The following FAP variants were observed in gnomAD, a reference collection of about 807,000 sequenced individuals.
The protein encoded by FAP is fibroblast activation protein alpha.
A neutral mutation model predicts 126.5 loss-of-function variants in FAP; 110 were observed. The observed-to-expected ratio is 0.87, with a 90% CI of 0.74 to 1.02. The LOEUF is 1.02. Among genes scored for constraint, FAP ranks in the 50% least tolerant of loss-of-function variants. The probability of loss-of-function intolerance (pLI) is 0.00; values close to 1 mark genes in which losing one functional copy is unlikely to be tolerated. For synonymous variants in FAP, 334 were observed against 297.3 expected (o/e 1.12, Z -1.27); for missense variants, 919 against 909.2 (o/e 1.01, Z -0.14).
chr2:162,175,003 C>G, intron 21 of FAP, 37 bp from the exon 22 acceptor site: 1 of 1,405,934 alleles, frequency 7.1e-7, no homozygotes, highest in South Asian at 1.2e-5. Context: ...CTCAGATTTA[C>G]TTTCATAAGC....
At chr2:162,211,371 T>G (rs1360061365) in intron 11 of FAP, among the ~76,000 whole-genome samples, 1 of 152,202 alleles carries the variant, frequency 6.6e-6, no homozygotes, top group African/African-American at 2.4e-5. Context: ...TGCAATAAAT[T>G]TCTACTGTAT....
chr2:162,224,396 AC>A, intron 5 of FAP, 69 bp downstream of exon 5: 1 of 900,206 alleles, frequency 1.1e-6, no homozygotes, highest in Non-Finnish European at 1.8e-6. Flanking sequence ...GCTTTCTCTC[AC>A]TTTTTTTAAA....
intron 9 of FAP, among the ~76,000 whole-genome samples, chr2:162,217,448 A>T (rs955642026): frequency 6.6e-6 from 1 of 152,218 alleles, no homozygotes; most frequent in Non-Finnish European, 1.5e-5. Flanking sequence ...AAAAGAATGT[A>T]TAACAACTCT....
intron 24 of FAP, 40 bp downstream of exon 24, chr2:162,173,109 C>T: frequency 6.5e-7 from 1 of 1,548,218 alleles, no homozygotes; most frequent in Non-Finnish European, 8.9e-7. Flanking sequence ...GTGATGCTGG[C>T]TCAGTATTTT....
chr2:162,198,310 A>G, intron 16 of FAP: 1 of 1,288,678 alleles, frequency 7.8e-7, no homozygotes, highest in Non-Finnish European at 1.0e-6. Context: ...TGGATGTGAG[A>G]GTTTGATATT....
chr2:162,183,401 T>TAA lies in FAP; in HGVS notation c.1869+11_1869+12dup. 6.3e-7 allele frequency: 1 copy of TAA among 1,593,020 alleles called. No homozygotes were observed. The highest frequency in any genetic ancestry group is 8.6e-7 in the Non-Finnish European group (1 of 1,163,874). Reference sequence around the variant, plus strand: ...AACTGAATAACAGGCATAAAAAATATAAAACAACTCACCCAGCCCCATATG... The same window carrying TAA: ...AACTGAATAACAGGCATAAAAAATATAAAAAACAACTCACCCAGCCCCATATG... On this transcript the variant is annotated intron_variant, in intron 21 of 25. Transcript: ENST00000188790.
At chr2:162,206,862 T>C (rs1688717613) in intron 12 of FAP, among the ~76,000 whole-genome samples, 1 of 152,256 alleles carries the variant, frequency 6.6e-6, no homozygotes, top group Non-Finnish European at 1.5e-5. Flanking sequence ...AAACCTATTT[T>C]CTAGTTCTGT....
At chr2:162,237,966 T>A (rs1690204185) in intron 2 of FAP, among the ~76,000 whole-genome samples, 1 of 152,232 alleles carries the variant, frequency 6.6e-6, no homozygotes, top group Non-Finnish European at 1.5e-5. Context: ...GAGCTTTTTT[T>A]CATAAGTTTG....
chr2:162,185,347 T>G (rs566526312), intron 20 of FAP, among the ~76,000 whole-genome samples: 3 of 152,296 alleles, frequency 2.0e-5, no homozygotes, highest in Admixed American at 6.5e-5. Flanking sequence ...TTTCATCTCA[T>G]GTAATTCTTC....
chr2:162,231,567 T>C (rs1332536112), intron 2 of FAP, among the ~76,000 whole-genome samples: 1 of 152,208 alleles, frequency 6.6e-6, no homozygotes, highest in African/African-American at 2.4e-5. Context: ...ATACATTGCT[T>C]AAACACTCTC....
At position 162,233,558 on chromosome 2, in the gene FAP, A is replaced by T. The variant is rs953085440; in HGVS notation, c.92-6937T>A. Among the ~76,000 whole-genome samples, 6 of 152,034 alleles carry T rather than the reference A, an allele frequency of 3.9e-5. No individual in the cohort carries two copies. The South Asian group carries it at 1.3e-3, about 32-fold the overall frequency. ...ATGTCTGTCCTTTGTCCATTTTTTAATGGAGTTATTTATCTTTTTATTATT... is the reference window on the plus strand; with the variant it reads ...ATGTCTGTCCTTTGTCCATTTTTTATTGGAGTTATTTATCTTTTTATTATT... On this transcript the variant is annotated intron_variant, in intron 2 of 25. Transcript: ENST00000188790.
At chr2:162,226,802 A>C (rs904477471) in intron 2 of FAP, among the ~76,000 whole-genome samples, 181 bp from the exon 3 acceptor site, 1 of 152,074 alleles carries the variant, frequency 6.6e-6, no homozygotes, top group African/African-American at 2.4e-5. Context: ...TTTTTTGTAG[A>C]TACAGTAATT....
chr2:162,219,321 T>TGGAAG, intron 7 of FAP, 138 bp from the exon 8 acceptor site: 1 of 774,522 alleles, frequency 1.3e-6, no homozygotes, highest in South Asian at 2.2e-5. Context: ...ACCATTTTAA[T>TGGAAG]AGGTCAAAAA....
intron 25 of FAP, 74 bp downstream of exon 25, chr2:162,172,737 A>G: frequency 1.0e-6 from 1 of 986,716 alleles, no homozygotes; most frequent in Non-Finnish European, 1.6e-6. Context: ...AAGTTAAAAA[A>G]AATAAAAATA....
chr2:162,229,837 A>C (rs1689820297), intron 2 of FAP, among the ~76,000 whole-genome samples: 1 of 142,150 alleles, frequency 7.0e-6, no homozygotes, highest in Non-Finnish European at 1.6e-5. Flanking sequence ...AACAATCGAT[A>C]TAGAGAACGT....
At chr2:162,239,433 C>G (rs1379285765) in intron 2 of FAP, among the ~76,000 whole-genome samples, 1 of 151,770 alleles carries the variant, frequency 6.6e-6, no homozygotes, top group Non-Finnish European at 1.5e-5. Context: ...TGCTTTTGCC[C>G]TAGAGCCATC....
intron 15 of FAP, among the ~76,000 whole-genome samples, chr2:162,199,644 G>T (rs1688414844): frequency 6.6e-6 from 1 of 151,336 alleles, no homozygotes; most frequent in South Asian, 2.1e-4. Context: ...GGACCCCATG[G>T]TGCCTGTCAG....
intron 11 of FAP, among the ~76,000 whole-genome samples, chr2:162,211,193 T>C (rs1688919818): frequency 1.3e-5 from 2 of 152,174 alleles, no homozygotes; most frequent in South Asian, 4.1e-4. Flanking sequence ...ATCCCTCAGC[T>C]GGATGTTGAT....
At position 162,170,699 on chromosome 2, in the gene FAP, T is replaced by C. The variant is rs1357213298; in HGVS notation, c.*280A>G. 3 of 328,688 alleles carry C rather than the reference T, an allele frequency of 9.1e-6. No homozygotes were observed. Among genetic ancestry groups the C allele is most frequent in the African/African-American group, 6.3e-5 (3 of 47,872 alleles). 20.4% of individuals were successfully genotyped at this position (328,688 alleles called of 1,614,324 possible). On this transcript the variant is annotated 3_prime_UTR_variant, in exon 26 of 26. Coordinates refer to ENST00000188790, the MANE Select transcript of FAP (RefSeq NM_004460.5). ...GACAACACAATAGCACTTGAACTTC[T>C]GACTTTATTATTTTTCTTCAAATGA...
Sources: allele counts gnomAD v4.1 joint callset (sites outside exome capture counted in the v4.1 genomes callset), GRCh38; gene constraint gnomAD v4.1.1; transcripts MANE v1.5; gene names NCBI Gene and HGNC (gene_info 2026-07-23, HGNC 2026-07-21).